The following PTPRQ variants were observed in gnomAD, a reference collection of about 807,000 sequenced individuals.
The protein encoded by PTPRQ is phosphatidylinositol phosphatase PTPRQ.
A neutral mutation model predicts 246.0 loss-of-function variants in PTPRQ; 199 were observed. The ratio of observed to expected loss-of-function variants is 0.81; its 90% CI spans 0.72 to 0.91. The LOEUF (loss-of-function observed/expected upper bound fraction) is 0.91. Among genes scored for constraint, PTPRQ ranks in the 40% least tolerant of loss-of-function variants. The probability of loss-of-function intolerance (pLI) is 0.00; values close to 1 mark genes in which losing one functional copy is unlikely to be tolerated. For synonymous variants in PTPRQ, 869 were observed against 853.2 expected (o/e 1.02, Z -0.32); for missense variants, 2,624 against 2,528.4 (o/e 1.04, Z -0.81).
rs1900386858 is a variant in PTPRQ, at chr12:80,655,027, G to A, written c.6115+2193G>A. 1.3e-5 allele frequency among the ~76,000 whole-genome samples: 2 copies of A among 152,066 alleles called. 1 individual carries two copies. Among genetic ancestry groups the A allele is most frequent in the Admixed American group, 1.3e-4 (2 of 15,272 alleles). ...TTTTCAATCATTTATTAAGATTTCAGTGCATTATTATCTGGGTTCCCTTTA... is the reference window on the plus strand; with the variant it reads ...TTTTCAATCATTTATTAAGATTTCAATGCATTATTATCTGGGTTCCCTTTA... On this transcript the variant is annotated intron_variant, in intron 38 of 44. Coordinates refer to ENST00000644991, the MANE Select transcript of PTPRQ (RefSeq NM_001145026.2).
intron 17 of PTPRQ, among the ~76,000 whole-genome samples, chr12:80,514,343 C>G (rs570584086): frequency 6.9e-6 from 1 of 145,900 alleles, no homozygotes; most frequent in Non-Finnish European, 1.5e-5. Context: ...GTAGAAAACA[C>G]TTTTCCCTCA....
At chr12:80,563,326 CT>C (rs1307994732) in intron 25 of PTPRQ, among the ~76,000 whole-genome samples, 1 of 151,990 alleles carries the variant, frequency 6.6e-6, no homozygotes, top group African/African-American at 2.4e-5. Context: ...AGGCAGCACT[CT>C]GCAGCCTAAT....
At chr12:80,650,115 T>G (rs1900209030) in intron 37 of PTPRQ, among the ~76,000 whole-genome samples, 1 of 152,064 alleles carries the variant, frequency 6.6e-6, no homozygotes, top group Admixed American at 6.6e-5. Flanking sequence ...TATAGATGAA[T>G]GTGAGATCAA....
chr12:80,496,497 A>G lies in PTPRQ; in HGVS notation c.2238A>G (p.Val746=). 2 of 1,550,010 alleles carry G rather than the reference A, an allele frequency of 1.3e-6. No individual in the cohort carries two copies. Among genetic ancestry groups the G allele is most frequent in the African/African-American group, 1.4e-5 (1 of 72,952 alleles). ...CCAGATTTGGTCATGGCAATCAGGT[A>G]TCTTCTTTACTCTCTGTAAGGACTT... ...SYTRFGHGNQ[V]SSLLSVRTSE... Residue 746 remains valine, a synonymous_variant, in exon 14 of 45, where the codon GTA becomes GTG. Coordinates refer to ENST00000644991, the MANE Select transcript of PTPRQ (RefSeq NM_001145026.2).
Position 80,579,418 on chromosome 12 carries a change from C to G in PTPRQ, c.4286-8711C>G, listed in dbSNP as rs151049897. 3.3e-5 allele frequency among the ~76,000 whole-genome samples: 5 copies of G among 152,270 alleles called. No individual in the cohort carries two copies. In the South Asian group the frequency reaches 1.0e-3, roughly 32 times the overall value. On this transcript the variant is annotated intron_variant, in intron 25 of 44. Transcript: ENST00000644991. ...TTGTTGCCACTTATGTATCTCTCCCCGTACTCAACCCACTGAATCCTTTTT... is the reference window on the plus strand; with the variant it reads ...TTGTTGCCACTTATGTATCTCTCCCGGTACTCAACCCACTGAATCCTTTTT...
At chr12:80,642,294 T>C (rs528819487) in intron 35 of PTPRQ, among the ~76,000 whole-genome samples, 5 of 152,324 alleles carry the variant, frequency 3.3e-5, no homozygotes, top group Admixed American at 3.3e-4. Flanking sequence ...TCTTCTGGTA[T>C]CTCCTATTCA....
In PTPRQ at chr12:80,549,594, CAA is replaced by C. The variant is rs747634055; in HGVS notation, c.4148_4149del (p.Lys1383SerfsTer22). On this transcript the variant is annotated frameshift_variant, in exon 25 of 45. Coordinates refer to ENST00000644991, the MANE Select transcript of PTPRQ (RefSeq NM_001145026.2). LOFTEE classifies it high-confidence loss of function. Reference sequence around the variant, plus strand: ...ATGGTAACAGTTGAAAGGAATTCTACAAAAGTTTCTCCCCAAGATCACATGTA... The same window carrying C: ...ATGGTAACAGTTGAAAGGAATTCTACAAGTTTCTCCCCAAGATCACATGTA... The C allele has an allele frequency of 1.9e-6, 3 of 1,551,144 alleles. No homozygotes were observed. Among genetic ancestry groups the C allele is most frequent in the East Asian group, 4.9e-5 (2 of 40,910 alleles).
intron 3 of PTPRQ, among the ~76,000 whole-genome samples, chr12:80,447,137 T>A (rs1892579115): frequency 6.6e-6 from 1 of 152,118 alleles, no homozygotes; most frequent in Non-Finnish European, 1.5e-5. Flanking sequence ...GGTTTTAATT[T>A]ACATTTCTTT....
At chr12:80,500,510 A>G (rs1274521787) in intron 14 of PTPRQ, among the ~76,000 whole-genome samples, 1 of 152,016 alleles carries the variant, frequency 6.6e-6, no homozygotes, top group African/African-American at 2.4e-5. Context: ...ACAACTGCAG[A>G]GAGAAAACTT....
chr12:80,621,259 G>A (rs184563314), intron 32 of PTPRQ, among the ~76,000 whole-genome samples: 8 of 151,932 alleles, frequency 5.3e-5, no homozygotes, highest in Non-Finnish European at 8.8e-5. Context: ...ATACACATAT[G>A]ATAGTTATAA....
At chr12:80,531,470 G>A (rs1174414730) in intron 17 of PTPRQ, among the ~76,000 whole-genome samples, 1 of 152,146 alleles carries the variant, frequency 6.6e-6, no homozygotes, top group Non-Finnish European at 1.5e-5. Flanking sequence ...TTCCTACACA[G>A]GGTTTGCTCA....
chr12:80,549,544 G>A lies in PTPRQ; in HGVS notation c.4095G>A (p.Lys1365=), dbSNP rs1266815443. Reference sequence around the variant, plus strand: ...TAGTGAAATGGGATCCACCCAAAAAGGCAAATGGAATAATAACGCAGTATA... The same window carrying A: ...TAGTGAAATGGGATCCACCCAAAAAAGCAAATGGAATAATAACGCAGTATA... The part of the protein sequence containing the change: ...SVLVKWDPPK[K]ANGIITQYMV... The change falls in exon 25 of 45, where the codon AAG becomes AAA. Residue 1365 remains lysine, a synonymous_variant. Coordinates refer to ENST00000644991, the MANE Select transcript of PTPRQ (RefSeq NM_001145026.2). The A allele has an allele frequency of 6.4e-7, 1 of 1,550,978 alleles. No individual in the cohort carries two copies. Among genetic ancestry groups the A allele is most frequent in the Admixed American group, 2.0e-5 (1 of 50,948 alleles).
intron 25 of PTPRQ, among the ~76,000 whole-genome samples, chr12:80,555,722 G>T (rs1896625270): frequency 6.6e-6 from 1 of 152,078 alleles, no homozygotes; most frequent in Non-Finnish European, 1.5e-5. Context: ...AAATTCAGGT[G>T]TTTTATACAG....
chr12:80,444,826 G>T lies in PTPRQ; in HGVS notation c.140G>T (p.Arg47Ile). 3.3e-6 allele frequency: 5 copies of T among 1,533,388 alleles called. No homozygotes were observed. Among genetic ancestry groups the T allele is most frequent in the Non-Finnish European group, 4.4e-6 (5 of 1,135,388 alleles). The allele number at this position is 1,533,388 out of a possible 1,614,324, so 95.0% of individuals were successfully genotyped here. The change falls in exon 2 of 45, where the codon AGA becomes ATA. Residue 47 changes from arginine (R) to isoleucine (I), a missense_variant. Coordinates refer to ENST00000644991, the MANE Select transcript of PTPRQ (RefSeq NM_001145026.2). ...ACAACATACACCTCACCTGTTACTA[G>T]AATAGTGACAACAAATGTAACAAGT... ...ISTTYTSPVTRIVTTNVTKPG... is the reference protein window; with the variant it reads ...ISTTYTSPVTIIVTTNVTKPG...
chr12:80,603,233 T>C (rs1015555735), intron 26 of PTPRQ, among the ~76,000 whole-genome samples: 3 of 151,682 alleles, frequency 2.0e-5, no homozygotes, highest in Non-Finnish European at 4.4e-5. Flanking sequence ...TATTCTTATT[T>C]AGGATCTCAT....
Position 80,496,042 on chromosome 12 carries a change from A to C in PTPRQ, c.1926A>C (p.Ser642=). Residue 642 remains serine, a synonymous_variant, in exon 13 of 45, where the codon TCA becomes TCC. Coordinates refer to ENST00000644991, the MANE Select transcript of PTPRQ (RefSeq NM_001145026.2). ...YTKYKMRVAA[S]THVGESSLSE... is the part of the protein sequence containing the mutation. ...AATACAAAATGAGAGTGGCAGCCTC[A>C]ACCCACGTTGGAGAAAGTTCTTTGT... 6.5e-7 allele frequency: 1 copy of C among 1,550,288 alleles called. No homozygotes were observed. The highest frequency in any genetic ancestry group is 1.2e-5 in the South Asian group (1 of 83,912).
chr12:80,559,353 C>A (rs1184366698), intron 25 of PTPRQ, among the ~76,000 whole-genome samples: 1 of 152,074 alleles, frequency 6.6e-6, no homozygotes, highest in African/African-American at 2.4e-5. Context: ...CTGTAGTGTG[C>A]CTTTTCATCC....
chr12:80,616,258 A>G lies in PTPRQ; in HGVS notation c.5222A>G (p.Asp1741Gly), dbSNP rs1288487456. The G allele has an allele frequency of 2.7e-6, 4 of 1,486,906 alleles. No homozygotes were observed. The East Asian group carries it at 8.2e-5, about 31-fold the overall frequency. The allele number at this position is 1,486,906 out of a possible 1,614,324, so 92.1% of individuals were successfully genotyped here. ...AAGGTTCCGATGAGAATAACCATGG[A>G]TATCAAAGGTACATACATGAGCTAC... ...GPKVPMRITM[D>G]IKAPARPKTK... The change falls in exon 30 of 45, where the codon GAT becomes GGT. Residue 1741 changes from aspartate (D) to glycine (G), a missense_variant. Coordinates refer to ENST00000644991, the MANE Select transcript of PTPRQ (RefSeq NM_001145026.2).
chr12:80,668,318 T>A (rs1900852415), intron 39 of PTPRQ, among the ~76,000 whole-genome samples: 1 of 151,888 alleles, frequency 6.6e-6, no homozygotes, highest in Non-Finnish European at 1.5e-5. Flanking sequence ...GATGTCATAA[T>A]AGATTTAAGA....
Sources: gnomAD v4.1 joint callset for allele counts (sites outside exome capture counted in the v4.1 genomes callset) on GRCh38, gnomAD v4.1.1 for gene constraint, MANE v1.5 for transcripts, NCBI Gene and HGNC (gene_info 2026-07-23, HGNC 2026-07-21) for gene names.